The following RGS6 variants were observed in gnomAD, a reference collection of about 807,000 sequenced individuals.
RGS6 encodes the protein regulator of G protein signaling 6, also known as regulator of G-protein signaling 6.
RGS6 carries 30 observed loss-of-function variants against 78.5 expected under a neutral mutation model. The observed-to-expected ratio is 0.38, with a 90% CI of 0.29 to 0.52. RGS6 has a LOEUF of 0.52. Among genes scored for constraint, RGS6 ranks in the 20% least tolerant of loss-of-function variants. The pLI is 0.85. For missense variants in RGS6, 495 were observed against 609.7 expected (o/e 0.81, Z 1.98); for synonymous variants, 206 against 206.0 (o/e 1.00, Z 0.00).
the RGS6 span, among the ~76,000 whole-genome samples, chr14:71,921,986 A>G: frequency 6.6e-6 from 1 of 152,028 alleles, no homozygotes; most frequent in African/African-American, 2.4e-5. Flanking sequence ...CTGCCACGGG[A>G]ATTTCTCTTA....
At chr14:72,073,631 A>G (rs2094480208) in intron 2 of RGS6, among the ~76,000 whole-genome samples, 1 of 152,196 alleles carries the variant, frequency 6.6e-6, no homozygotes, top group Admixed American at 6.5e-5. Context: ...CCTAATGGGC[A>G]CAGCTTTGGG....
intron 2 of RGS6, among the ~76,000 whole-genome samples, chr14:72,203,559 C>T (rs185809948): frequency 3.5e-4 from 53 of 152,226 alleles, no homozygotes; most frequent in African/African-American, 1.2e-3. Flanking sequence ...GCCTCAAATC[C>T]GTCATGGCTG....
intron 17 of RGS6, among the ~76,000 whole-genome samples, chr14:72,554,388 T>TAACTA (rs1396569490): frequency 1.3e-5 from 2 of 152,214 alleles, no homozygotes; most frequent in Non-Finnish European, 2.9e-5. Flanking sequence ...CAATATCAAG[T>TAACTA]AACTAAATTC....
intron 2 of RGS6, among the ~76,000 whole-genome samples, chr14:72,250,348 A>C (rs1009844058): frequency 6.8e-6 from 1 of 146,886 alleles, no homozygotes; most frequent in Non-Finnish European, 1.5e-5. Context: ...AATTTGTAAG[A>C]AAGTGGCTTT....
chr14:72,135,107 G>A (rs2096410689), intron 2 of RGS6, among the ~76,000 whole-genome samples: 1 of 152,106 alleles, frequency 6.6e-6, no homozygotes, highest in Non-Finnish European at 1.5e-5. Context: ...TTTTAAAATA[G>A]CTTAATTTTT....
chr14:72,459,286 A>T (rs2095713877), intron 5 of RGS6, among the ~76,000 whole-genome samples: 1 of 152,176 alleles, frequency 6.6e-6, no homozygotes, highest in South Asian at 2.1e-4. Context: ...AGTTCTTCAG[A>T]CTAGGTTAAA....
At chr14:72,057,570 A>T (rs1344650540) in intron 2 of RGS6, among the ~76,000 whole-genome samples, 1 of 151,854 alleles carries the variant, frequency 6.6e-6, no homozygotes, top group East Asian at 1.9e-4. Flanking sequence ...CCATGATGAT[A>T]CTCGCTGCTG....
chr14:72,153,735 G>A (rs751527814), intron 2 of RGS6, among the ~76,000 whole-genome samples: 1 of 152,084 alleles, frequency 6.6e-6, no homozygotes, highest in Non-Finnish European at 1.5e-5. Context: ...CCAGGGAGTA[G>A]GTACAAAGAT....
intron 2 of RGS6, among the ~76,000 whole-genome samples, chr14:72,323,986 A>G (rs1378333203): frequency 6.6e-6 from 1 of 152,016 alleles, no homozygotes; most frequent in Admixed American, 6.6e-5. Context: ...TCATCACATT[A>G]GGGTAAATAG....
At chr14:71,877,155 G>A in the RGS6 span, among the ~76,000 whole-genome samples, 2 of 152,106 alleles carry the variant, frequency 1.3e-5, no homozygotes, top group Non-Finnish European at 2.9e-5. Context: ...TATGTGTCTT[G>A]GAGTTGCTCT....
At chr14:72,227,882 G>A (rs998009363) in intron 2 of RGS6, among the ~76,000 whole-genome samples, 8 of 152,136 alleles carry the variant, frequency 5.3e-5, no homozygotes, top group African/African-American at 1.4e-4. Context: ...TGACTGGGGA[G>A]GGGGGAAGAG....
intron 2 of RGS6, among the ~76,000 whole-genome samples, chr14:72,176,277 C>T (rs1454582248): frequency 1.3e-5 from 2 of 152,166 alleles, no homozygotes; most frequent in African/African-American, 2.4e-5. Flanking sequence ...CATCTTCCCT[C>T]CTCCCACCCC....
intron 3 of RGS6, among the ~76,000 whole-genome samples, chr14:72,444,712 C>T (rs1269535961): frequency 4.1e-5 from 1 of 24,638 alleles, no homozygotes; most frequent in Non-Finnish European, 8.2e-5. Flanking sequence ...CACGGGGTGC[C>T]GTTGTCATAT....
chr14:72,368,667 G>T (rs985716814), intron 3 of RGS6, among the ~76,000 whole-genome samples: 1 of 152,134 alleles, frequency 6.6e-6, no homozygotes, highest in Non-Finnish European at 1.5e-5. Context: ...TAGAGAAATA[G>T]ATTTCCCAAA....
intron 15 of RGS6, among the ~76,000 whole-genome samples, chr14:72,526,295 C>T (rs560677213): frequency 4.6e-5 from 7 of 151,468 alleles, no homozygotes; most frequent in Non-Finnish European, 1.0e-4. Flanking sequence ...TTAGTAGAGT[C>T]GGGGTTTCAC....
chr14:72,351,095 C>A (rs1182940764), intron 2 of RGS6, among the ~76,000 whole-genome samples: 3 of 152,076 alleles, frequency 2.0e-5, no homozygotes, highest in African/African-American at 7.2e-5. Context: ...TAATTTCTAG[C>A]CTTATGATGT....
At chr14:72,102,847 T>A (rs1428272822) in intron 2 of RGS6, among the ~76,000 whole-genome samples, 2 of 152,190 alleles carry the variant, frequency 1.3e-5, no homozygotes, top group South Asian at 2.1e-4. Flanking sequence ...ATATATATAT[T>A]TTTTTCTTAA....
chr14:72,206,667 G>A (rs2042786982), intron 2 of RGS6, among the ~76,000 whole-genome samples: 1 of 152,034 alleles, frequency 6.6e-6, no homozygotes, highest in African/African-American at 2.4e-5. Context: ...GTTTGTCCAG[G>A]GAAACACCCA....
rs139505399 is a variant in RGS6 at position 72,411,732 on chromosome 14, A to T, written c.185-42796A>T. ...CATAGATAGCTCTTATTATTTTGAG[A>T]TACATCCCATCAATACCTAATTTAT... On this transcript the variant is annotated intron_variant, in intron 3 of 17. Transcript: ENST00000553525. Among the ~76,000 whole-genome samples, 1,201 of 152,270 alleles carry T rather than the reference A, an allele frequency of 7.9e-3. 43 individuals carry two copies. The highest frequency in any genetic ancestry group is 0.053 in the East Asian group (272 of 5,180).
Sources: gnomAD v4.1 joint callset for allele counts (sites outside exome capture counted in the v4.1 genomes callset) on GRCh38, gnomAD v4.1.1 for gene constraint, MANE v1.5 for transcripts, NCBI Gene and HGNC (gene_info 2026-07-23, HGNC 2026-07-21) for gene names.